RIMBP2: variants seen among roughly 807,000 people sequenced by gnomAD.
RIMBP2 encodes the protein RIMS binding protein 2.
Under a neutral mutation model 118.6 loss-of-function variants are expected in RIMBP2, and 48 were observed. The ratio of observed to expected loss-of-function variants is 0.40; its 90% confidence interval spans 0.32 to 0.51. RIMBP2 has a LOEUF of 0.51. RIMBP2 is among the 20% of genes least tolerant of loss of function. The pLI, the probability that RIMBP2 is intolerant of heterozygous loss-of-function variation, is 0.41. For synonymous variants in RIMBP2, 762 were observed against 742.9 expected, an observed-to-expected ratio of 1.03 and a Z score of -0.42; for missense variants, 1,551 against 1,768.3, an observed-to-expected ratio of 0.88 and a Z score of 2.20.
chr12:130,434,900 C>T lies in RIMBP2; in HGVS notation c.2107-20G>A. 2 of 1,592,832 alleles carry T rather than the reference C, an allele frequency of 1.3e-6. No individual in the cohort carries two copies. Among genetic ancestry groups the T allele is most frequent in the Non-Finnish European group, 1.7e-6 (2 of 1,168,904 alleles). ...CTCTAACTTGGAAAGAAAAAGGAGG[C>T]ACACGGGTGAGGCAGGGCCACCTTC... On this transcript the variant is annotated intron_variant, in intron 13 of 22. Coordinates refer to ENST00000690449, the MANE Select transcript of RIMBP2 (RefSeq NM_001393629.1). This position sits in a 1 kb window ranked among gnomAD's most constrained non-coding sequence, Gnocchi z 5.7.
At chr12:130,545,662 G>A (rs958138631) in intron 2 of RIMBP2, among the ~76,000 whole-genome samples, 9 of 152,138 alleles carry the variant, frequency 5.9e-5, no homozygotes, top group South Asian at 2.1e-4. Flanking sequence ...ACCGAGGAAC[G>A]AGCCCAGTTC....
chr12:130,692,775 T>C (rs184658737), intron 1 of RIMBP2, among the ~76,000 whole-genome samples: 1 of 140,250 alleles, frequency 7.1e-6, no homozygotes, highest in Admixed American at 7.6e-5. Context: ...AGACATGGAA[T>C]GGGTGGAATG....
chr12:130,476,642 G>A (rs34176639), intron 5 of RIMBP2, among the ~76,000 whole-genome samples: 3,207 of 152,276 alleles, frequency 0.021, 45 homozygotes, highest in Middle Eastern at 0.068. Context: ...CCCAGCCCTC[G>A]GCGTGGTGGG....
intron 19 of RIMBP2, among the ~76,000 whole-genome samples, chr12:130,408,422 C>T (rs543122798): frequency 3.9e-5 from 6 of 152,320 alleles, no homozygotes; most frequent in Middle Eastern, 3.4e-3. Flanking sequence ...GGTTTAGCAG[C>T]GGCCGTAGAG....
Position 130,646,148 on chromosome 12 carries a change from TGCCTCTCCACC to T in RIMBP2, c.-351-17703_-351-17693del, listed in dbSNP as rs1566422378. ...CTGCCTCTCCACCTCCCTCACCACC[TGCCTCTCCACC>T]TCCCTCACCACCTGCCTCTCCACCT... On this transcript the variant is annotated intron_variant, in intron 1 of 22. Coordinates refer to ENST00000690449, the MANE Select transcript of RIMBP2 (RefSeq NM_001393629.1). 2.6e-4 allele frequency among the ~76,000 whole-genome samples: 23 copies of T among 90,184 alleles called. 3 individuals are homozygous for T. Among genetic ancestry groups the T allele is most frequent in the Non-Finnish European group, 4.8e-4 (19 of 39,202 alleles). 59.2% of individuals were successfully genotyped at this position (90,184 alleles called of 152,430 possible). A position where few individuals can be genotyped will look rare whatever the true frequency, so the allele number is the denominator to read the frequency against.
intron 1 of RIMBP2, among the ~76,000 whole-genome samples, chr12:130,675,323 C>T (rs978452313): frequency 1.3e-5 from 2 of 152,212 alleles, no homozygotes; most frequent in South Asian, 2.1e-4. Context: ...CTCCACACAG[C>T]GCCCCGTGGA....
chr12:130,456,782 CGTGTGCACATGTGCACT>C lies in RIMBP2; in HGVS notation c.154-99_154-83del, dbSNP rs547387504. 4.2e-4 allele frequency: 457 copies of C among 1,092,842 alleles called. 3 individuals carry two copies. The highest frequency in any genetic ancestry group is 3.9e-3 in the South Asian group (259 of 67,154). The allele number at this position is 1,092,842 out of a possible 1,614,324, so 67.7% of individuals were successfully genotyped here. On this transcript the variant is annotated intron_variant, in intron 6 of 22. Transcript: ENST00000690449. ...TGTGCGCCTGTTCACATGTGTTGTA[CGTGTGCACATGTGCACT>C]GTGTGCACGTGTGTACACACGTGTT...
At chr12:130,569,542 T>C (rs1347177804) in intron 2 of RIMBP2, among the ~76,000 whole-genome samples, 7 of 152,230 alleles carry the variant, frequency 4.6e-5, no homozygotes, top group Non-Finnish European at 1.0e-4. Context: ...CCACATCTCA[T>C]GTTGAATTGC....
chr12:130,681,151 T>C (rs1727439678), intron 1 of RIMBP2, among the ~76,000 whole-genome samples: 1 of 152,126 alleles, frequency 6.6e-6, no homozygotes, highest in African/African-American at 2.4e-5. Context: ...TCAACTTTTA[T>C]TCACAAGGAC....
intron 4 of RIMBP2, among the ~76,000 whole-genome samples, chr12:130,502,513 C>T (rs2138709932): frequency 1.3e-5 from 2 of 152,184 alleles, no homozygotes; most frequent in African/African-American, 2.4e-5. Context: ...CTGCACTCCC[C>T]CTGCCTGGAA....
Position 130,622,268 on chromosome 12 carries a change from C to T in RIMBP2, c.-217+6054G>A, listed in dbSNP as rs548099795. Among the ~76,000 whole-genome samples, 18 of 152,182 alleles carry T rather than the reference C, an allele frequency of 1.2e-4. No homozygotes were observed. The highest frequency in any genetic ancestry group is 2.4e-4 in the African/African-American group (10 of 41,526). ...CCCCACAAGGCTGCATAGGAGGTTC[C>T]GGGGAACAGAGTCCCCAAACATCAC... On this transcript the variant is annotated intron_variant, in intron 2 of 22. Transcript: ENST00000690449. This position sits in a 1 kb window ranked among gnomAD's most constrained non-coding sequence, Gnocchi z 8.5.
At position 130,437,275 on chromosome 12, in the gene RIMBP2, A is replaced by C. The variant is rs1422428019; in HGVS notation, c.1673T>G (p.Phe558Cys). 9 of 1,579,006 alleles carry C rather than the reference A, an allele frequency of 5.7e-6. No homozygotes were observed. Among genetic ancestry groups the C allele is most frequent in the Non-Finnish European group, 7.7e-6 (9 of 1,170,234 alleles). ...AKGQRVAEVI[F>C]PTADSTAVEL... The stretch of plus-strand genomic sequence containing the variant: ...CACGGCCGTGCTGTCTGCCGTGGGG[A>C]AGATGACTTCAGCCACCTGTGGACA... The change falls in exon 13 of 23, where the codon TTC (phenylalanine) becomes TGC (cysteine). Residue 558 changes from phenylalanine (F) to cysteine (C), a missense_variant. Around this residue, in one of 5 missense-constraint regions of RIMBP2, gnomAD observed 1,038 missense variants for 1,125.1 expected, o/e 0.92. Coordinates refer to ENST00000690449, the MANE Select transcript of RIMBP2 (RefSeq NM_001393629.1).
chr12:130,416,162 C>T (rs2076091511), intron 17 of RIMBP2, among the ~76,000 whole-genome samples: 3 of 152,314 alleles, frequency 2.0e-5, no homozygotes, highest in South Asian at 2.1e-4. Context: ...ATGCAACCTA[C>T]AGATTCAATG....
chr12:130,529,115 C>T (rs889901912), intron 2 of RIMBP2, among the ~76,000 whole-genome samples: 2 of 146,410 alleles, frequency 1.4e-5, no homozygotes, highest in African/African-American at 5.1e-5. Flanking sequence ...ATTCTTCAGC[C>T]TACAGAAGGA....
In RIMBP2 at chr12:130,428,256, C is replaced by T. The variant is rs745770254; in HGVS notation, c.2335G>A (p.Glu779Lys). 1.2e-6 allele frequency: 2 copies of T among 1,613,796 alleles called. No homozygotes were observed. Among genetic ancestry groups the T allele is most frequent in the Admixed American group, 1.7e-5 (1 of 59,958 alleles). ...AGCTGCATTTCAGAATACAGCTCCT[C>T]CTCGTCCTCCTCCATGATGTCTGAG... ...DLSDIMEEDE[E>K]ELYSEMQLED... The change falls in exon 15 of 23, where the codon GAG (glutamate) becomes AAG (lysine). Residue 779 changes from glutamate to lysine, a missense_variant. By Grantham distance (56) the Glu-to-Lys change is moderately conservative. Coordinates refer to ENST00000690449, the MANE Select transcript of RIMBP2 (RefSeq NM_001393629.1).
intron 1 of RIMBP2, chr12:130,657,947 G>A (rs1467533166): frequency 6.6e-6 from 1 of 152,294 alleles, no homozygotes. Context: ...TTTAAAATCA[G>A]AGAACGCACG....
intron 2 of RIMBP2, among the ~76,000 whole-genome samples, chr12:130,552,953 C>T (rs1225034655): frequency 6.6e-6 from 1 of 151,940 alleles, no homozygotes; most frequent in East Asian, 1.9e-4. Flanking sequence ...GAGATCGAGA[C>T]TATCCTGGCT....
In RIMBP2 at chr12:130,620,698, T is replaced by A. The variant is rs2061254928; in HGVS notation, c.-217+7624A>T. Among the ~76,000 whole-genome samples the A allele has an allele frequency of 6.6e-6, 1 of 152,174 alleles. No individual in the cohort carries two copies. The highest frequency in any genetic ancestry group is 1.5e-5 in the Non-Finnish European group (1 of 68,032). ...CCAATCCCTGCCAATGTTCTCTGCA[T>A]CCAATCCCCCTCTCTGTAAGGACAC... On this transcript the variant is annotated intron_variant, in intron 2 of 22. Coordinates refer to ENST00000690449, the MANE Select transcript of RIMBP2 (RefSeq NM_001393629.1). The surrounding 1 kb of genome is among the most constrained non-coding windows in gnomAD (Gnocchi z 5.3).
chr12:130,521,653 T>C (rs949414959), intron 2 of RIMBP2, among the ~76,000 whole-genome samples: 5 of 152,170 alleles, frequency 3.3e-5, no homozygotes, highest in Non-Finnish European at 7.3e-5. Flanking sequence ...TCATGCCCCC[T>C]GCCTAGTGAC....
Sources: gnomAD v4.1 joint callset for allele counts (sites outside exome capture counted in the v4.1 genomes callset) on GRCh38, gnomAD v4.1.1 for gene constraint, gnomAD v4.1.1 regional missense constraint, Gnocchi (gnomAD v3.1) non-coding constraint, MANE v1.5 for transcripts, NCBI Gene and HGNC (gene_info 2026-07-23, HGNC 2026-07-21) for gene names.